The following CD163L1 variants were observed in gnomAD, a reference collection of about 807,000 sequenced individuals.
CD163L1 encodes the protein scavenger receptor cysteine-rich type 1 protein M160.
In CD163L1, 124 loss-of-function variants were observed where a neutral mutation model predicts 165.4. The ratio of observed to expected loss-of-function variants is 0.75; its 90% CI spans 0.65 to 0.87. CD163L1 has a LOEUF of 0.87. Among genes scored for constraint, CD163L1 ranks in the 40% least tolerant of loss-of-function variants. The probability of loss-of-function intolerance (pLI) is 0.00; values close to 1 mark genes in which losing one functional copy is unlikely to be tolerated. For missense variants in CD163L1, 1,525 were observed against 1,799.9 expected, an observed-to-expected ratio of 0.85 and a Z score of 2.76; for synonymous variants, 585 against 662.2, an observed-to-expected ratio of 0.88 and a Z score of 1.79.
At chr12:7,439,803 C>CTCCACCTCGAACACATCCTCTCCG (rs1948790449) in intron 2 of CD163L1, 2 of 1,613,740 alleles carry the variant, frequency 1.2e-6, no homozygotes, top group Non-Finnish European at 1.7e-6. Context: ...CCAGGATCTT[C>CTCCACCTCGAACACATCCTCTCCG]TCCACCTCGA....
intron 8 of CD163L1, among the ~76,000 whole-genome samples, chr12:7,386,432 A>C (rs1947517038): frequency 6.6e-6 from 1 of 152,002 alleles, no homozygotes. Flanking sequence ...TATTCCAAAA[A>C]AATCAAAGAG....
intron 4 of CD163L1, among the ~76,000 whole-genome samples, chr12:7,421,025 A>ATATATATATACGTGTATATATATACG (rs1948344510): frequency 1.6e-4 from 3 of 18,268 alleles, no homozygotes; most frequent in African/African-American, 1.3e-3. Flanking sequence ...ATATATATAC[A>ATATATATATACGTGTATATATATACG]TATATATATA....
chr12:7,423,625 A>C (rs1948482797), intron 4 of CD163L1, among the ~76,000 whole-genome samples: 1 of 152,166 alleles, frequency 6.6e-6, no homozygotes, highest in South Asian at 2.1e-4. Context: ...ATATAGACAC[A>C]ATAAAAAATG....
intron 4 of CD163L1, among the ~76,000 whole-genome samples, chr12:7,425,244 T>C (rs918774046): frequency 1.3e-5 from 2 of 152,178 alleles, no homozygotes; most frequent in African/African-American, 2.4e-5. Flanking sequence ...AAGGATTCCC[T>C]GTTTAACAAA....
chr12:7,323,612 T>C, the CD163L1 span: 1 of 1,497,000 alleles, frequency 6.7e-7, no homozygotes, highest in Non-Finnish European at 9.3e-7. Flanking sequence ...GGGTTCAAAT[T>C]TCATTTCCAC....
chr12:7,433,528 C>T lies in CD163L1; in HGVS notation c.291G>A (p.Met97Ile), dbSNP rs766163548. ...KQLGCPFSFA[M>I]FRFGQAVTRH... ...TAGTCACGGCTTGTCCAAAACGAAACATGGCGAAAGAAAATGGACATCCAA... is the reference window on the plus strand; with the variant it reads ...TAGTCACGGCTTGTCCAAAACGAAATATGGCGAAAGAAAATGGACATCCAA... Residue 97 changes from methionine to isoleucine, a missense_variant, in exon 3 of 20, where the codon ATG becomes ATA. By Grantham distance (10) the Met-to-Ile change is conservative (BLOSUM62 1). Coordinates refer to ENST00000313599, the MANE Select transcript of CD163L1 (RefSeq NM_174941.6). 2 of 1,613,632 alleles carry T rather than the reference C, an allele frequency of 1.2e-6. No individual in the cohort carries two copies. The highest frequency in any genetic ancestry group is 2.7e-5 in the African/African-American group (2 of 74,914).
chr12:7,367,387 T>C lies in CD163L1; in HGVS notation c.4184-56A>G. On this transcript the variant is annotated intron_variant, in intron 17 of 19. Coordinates refer to ENST00000313599, the MANE Select transcript of CD163L1 (RefSeq NM_174941.6). ...AAATTCAAATGGCCTATCCCTTATA[T>C]TAGGACACTTAATGCTAAGGTTTGA... 2.7e-6 allele frequency: 3 copies of C among 1,107,358 alleles called. 1 individual carries two copies. The highest frequency in any genetic ancestry group is 3.4e-5 in the Admixed American group (2 of 57,990). The allele number at this position is 1,107,358 out of a possible 1,614,324, so 68.6% of individuals were successfully genotyped here. A position where few individuals can be genotyped will look rare whatever the true frequency, so the allele number is the denominator to read the frequency against.
chr12:7,366,567 G>C (rs1399814775), intron 18 of CD163L1, among the ~76,000 whole-genome samples: 4 of 152,074 alleles, frequency 2.6e-5, no homozygotes, highest in African/African-American at 7.2e-5. Flanking sequence ...ATAACAATGA[G>C]ATGCCACTTA....
At chr12:7,384,073 G>GA (rs1362442376) in intron 8 of CD163L1, among the ~76,000 whole-genome samples, 7 of 151,414 alleles carry the variant, frequency 4.6e-5, no homozygotes, top group Admixed American at 4.6e-4. Context: ...AAATAAATTA[G>GA]AAAAACAATT....
chr12:7,409,845 AT>A (rs1386119145), intron 4 of CD163L1, among the ~76,000 whole-genome samples: 15 of 152,158 alleles, frequency 9.9e-5, no homozygotes, highest in Admixed American at 9.8e-4. Context: ...TGGCTTTATA[AT>A]TTTTCATGAA....
downstream of CD163L1, among the ~76,000 whole-genome samples, chr12:7,353,917 C>A (rs956136304): frequency 2.0e-5 from 3 of 151,896 alleles, no homozygotes; most frequent in African/African-American, 7.2e-5. Context: ...AAATTTTAAT[C>A]GTTAAACTCT....
At chr12:7,439,390 T>G (rs1948783273) in intron 2 of CD163L1, 3 of 1,600,296 alleles carry the variant, frequency 1.9e-6, no homozygotes, top group Non-Finnish European at 2.6e-6. Flanking sequence ...GAAATTCTTT[T>G]CTTTGTCCTT....
At chr12:7,412,669 G>C (rs1232635934) in intron 4 of CD163L1, among the ~76,000 whole-genome samples, 1 of 152,104 alleles carries the variant, frequency 6.6e-6, no homozygotes, top group Admixed American at 6.5e-5. Flanking sequence ...TTACCAGTAA[G>C]ATGTCAACAC....
At chr12:7,438,870 C>T in intron 2 of CD163L1, 1 of 1,582,136 alleles carries the variant, frequency 6.3e-7, no homozygotes, top group Non-Finnish European at 8.7e-7. Flanking sequence ...ATAAGCTTCT[C>T]TAACTCTGCA....
At chr12:7,343,075 G>A (rs1946648044), downstream of CD163L1, among the ~76,000 whole-genome samples, 1 of 152,118 alleles carries the variant, frequency 6.6e-6, no homozygotes, top group South Asian at 2.1e-4. Context: ...AGATACATTA[G>A]AGGATATTAG....
chr12:7,425,735 T>C (rs1948529615), intron 4 of CD163L1, among the ~76,000 whole-genome samples: 1 of 152,174 alleles, frequency 6.6e-6, no homozygotes, highest in East Asian at 1.9e-4. Flanking sequence ...AAGCTCATCA[T>C]CACTGGTCAT....
chr12:7,434,461 G>A (rs535604933), intron 2 of CD163L1, among the ~76,000 whole-genome samples: 5 of 152,252 alleles, frequency 3.3e-5, no homozygotes, highest in African/African-American at 1.2e-4. Flanking sequence ...AAATCTACTT[G>A]TAAGCCAAAA....
At chr12:7,332,735 A>G in the CD163L1 span, among the ~76,000 whole-genome samples, 1 of 152,328 alleles carries the variant, frequency 6.6e-6, no homozygotes, top group East Asian at 1.9e-4. Context: ...GCAAGTGCTG[A>G]GAGATTTTGT....
the CD163L1 span, among the ~76,000 whole-genome samples, chr12:7,328,967 T>G: frequency 2.7e-5 from 4 of 148,798 alleles, no homozygotes; most frequent in Non-Finnish European, 4.5e-5. Context: ...TATATCTAGA[T>G]ACATATATAC....
Sources: gnomAD v4.1 joint callset for allele counts (sites outside exome capture counted in the v4.1 genomes callset) on GRCh38, gnomAD v4.1.1 for gene constraint, MANE v1.5 for transcripts, NCBI Gene and HGNC (gene_info 2026-07-23, HGNC 2026-07-21) for gene names.